Variants in RTRAF observed in about 807,000 individuals in gnomAD.
RTRAF encodes tRNA-splicing ligase complex subunit RTRAF.
A neutral mutation model predicts 34.4 loss-of-function variants in RTRAF; 14 were observed. That is an observed-to-expected ratio of 0.41 (90% CI 0.27 to 0.64). The LOEUF is 0.64. RTRAF is among the 30% of genes least tolerant of loss of function. The probability of loss-of-function intolerance (pLI) is 0.34; values close to 1 mark genes in which losing one functional copy is unlikely to be tolerated. For synonymous variants in RTRAF, 96 were observed against 95.3 expected (o/e 1.01, Z -0.04); for missense variants, 291 against 288.4 (o/e 1.01, Z -0.06).
intron 3 of RTRAF, among the ~76,000 whole-genome samples, chr14:51,994,205 A>G (rs1331926939): frequency 2.0e-5 from 3 of 152,240 alleles, no homozygotes; most frequent in Admixed American, 6.5e-5. Flanking sequence ...TTAATACTCT[A>G]TAGGCCAGAA....
At chr14:52,004,024 C>G in intron 6 of RTRAF, 170 bp from the exon 7 acceptor site, 2 of 635,760 alleles carry the variant, frequency 3.1e-6, no homozygotes, top group Non-Finnish European at 5.6e-6. Context: ...AGGGAAAACT[C>G]GCTAATCACA....
At chr14:51,991,209 A>G (rs1214453671) in intron 1 of RTRAF, 108 bp from the exon 2 acceptor site, 2 of 1,150,740 alleles carry the variant, frequency 1.7e-6, no homozygotes, top group South Asian at 1.4e-5. Context: ...TTAATTTAGT[A>G]TTTTGAAGTT....
intron 5 of RTRAF, 38 bp downstream of exon 5, chr14:51,999,834 C>T: frequency 7.0e-7 from 1 of 1,433,560 alleles, no homozygotes; most frequent in Non-Finnish European, 9.7e-7. Context: ...AGAAACTGTG[C>T]ACATAGAAAA....
chr14:51,991,691 T>TA, intron 2 of RTRAF, among the ~76,000 whole-genome samples: 1 of 152,240 alleles, frequency 6.6e-6, no homozygotes, highest in East Asian at 1.9e-4. Context: ...GTTTCTTAAA[T>TA]AAATAATGAT....
At chr14:52,004,275 T>TTTTACAGACTGAATACTTGGGA (rs1293798649) in intron 7 of RTRAF, 33 bp downstream of exon 7, 1 of 1,605,734 alleles carries the variant, frequency 6.2e-7, no homozygotes, top group Non-Finnish European at 8.5e-7. Context: ...AAACTATTTT[T>TTTTACAGACTGAATACTTGGGA]TTTACAGACT....
In RTRAF at chr14:52,008,317, G is replaced by C. The variant is rs1295901168; in HGVS notation, c.*3801G>C. ...GCTGTTGGCCAGAGACATTAGTCTT[G>C]CCTGTAGCCCATGTGAGCATGCTTG... On this transcript the variant is annotated 3_prime_UTR_variant, in exon 8 of 8. Transcript: ENST00000261700. 5.4e-6 allele frequency: 1 copy of C among 184,074 alleles called. No homozygotes were observed. Among genetic ancestry groups the C allele is most frequent in the Non-Finnish European group, 1.1e-5 (1 of 88,662 alleles). 11.4% of individuals were successfully genotyped at this position (184,074 alleles called of 1,614,324 possible).
chr14:51,992,180 C>CT (rs1278264988), intron 2 of RTRAF, among the ~76,000 whole-genome samples: 15 of 152,118 alleles, frequency 9.9e-5, no homozygotes, highest in African/African-American at 3.6e-4. Context: ...TTTAGTAACA[C>CT]TTTTGCATAA....
In RTRAF at chr14:52,006,603, T is replaced by C. The variant is rs772915052; in HGVS notation, c.*2087T>C. 3 of 1,613,846 alleles carry C rather than the reference T, an allele frequency of 1.9e-6. No individual in the cohort carries two copies. The African/African-American group carries it at 4.0e-5, about 22-fold the overall frequency. Reference sequence around the variant, plus strand: ...GATGCTGAAGGGGTACTTGAGGTTGTTTTGAATGACACGCCGTCCAGTTCC... The same window carrying C: ...GATGCTGAAGGGGTACTTGAGGTTGCTTTGAATGACACGCCGTCCAGTTCC... On this transcript the variant is annotated 3_prime_UTR_variant, in exon 8 of 8. Transcript: ENST00000261700.
In RTRAF at chr14:52,004,523, G is replaced by A. The variant is rs937219522; in HGVS notation, c.*7G>A. 1 of 1,609,426 alleles carries A rather than the reference G, an allele frequency of 6.2e-7. No individual in the cohort carries two copies. Among genetic ancestry groups the A allele is most frequent in the East Asian group, 2.2e-5 (1 of 44,822 alleles). On this transcript the variant is annotated 3_prime_UTR_variant, in exon 8 of 8. Transcript: ENST00000261700. Reference sequence around the variant, plus strand: ...GGGAAAAGTTGGAAGATGAACACTTGAGGACTTCAGCTTCTCACCTACTTA... The same window carrying A: ...GGGAAAAGTTGGAAGATGAACACTTAAGGACTTCAGCTTCTCACCTACTTA...
chr14:51,993,059 G>GTA (rs1890459207), intron 2 of RTRAF, among the ~76,000 whole-genome samples: 1 of 152,014 alleles, frequency 6.6e-6, no homozygotes, highest in African/African-American at 2.4e-5. Context: ...GTATGTGTGT[G>GTA]TATATATGTA....
chr14:52,010,666 C>T lies in RTRAF; in HGVS notation c.*6150C>T, dbSNP rs762499452. 3 of 522,966 alleles carry T rather than the reference C, an allele frequency of 5.7e-6. No individual in the cohort carries two copies. Among genetic ancestry groups the T allele is most frequent in the Non-Finnish European group, 1.0e-5 (3 of 291,750 alleles). The allele number at this position is 522,966 out of a possible 1,614,324, so 32.4% of individuals were successfully genotyped here. A position where few individuals can be genotyped will look rare whatever the true frequency, so the allele number is the denominator to read the frequency against. On this transcript the variant is annotated 3_prime_UTR_variant, in exon 8 of 8. Coordinates refer to ENST00000261700, the MANE Select transcript of RTRAF (RefSeq NM_016039.3). ...ATTGTTTATACCAGTCTTGTTTCCT[C>T]CTAATAAAATATAAGTGCCATGAAA...
intron 2 of RTRAF, among the ~76,000 whole-genome samples, chr14:51,992,618 C>T (rs1291852309): frequency 1.3e-5 from 2 of 152,172 alleles, no homozygotes; most frequent in African/African-American, 4.8e-5. Flanking sequence ...CAGTGGACTT[C>T]TTAAAACTTT....
chr14:52,002,760 C>G (rs1890620110), intron 6 of RTRAF, among the ~76,000 whole-genome samples: 1 of 152,192 alleles, frequency 6.6e-6, no homozygotes, highest in Non-Finnish European at 1.5e-5. Context: ...TGTTTGTCCT[C>G]CCTGCGCCCT....
chr14:52,007,362 G>A lies in RTRAF; in HGVS notation c.*2846G>A, dbSNP rs953774713. ...CACACAGCATTTTTTCAGTTGTGCT[G>A]ATAAAAGCAAACAAATGTAGGTTGC... is the stretch of plus-strand genomic sequence containing the variant. On this transcript the variant is annotated 3_prime_UTR_variant, in exon 8 of 8. Coordinates refer to ENST00000261700, the MANE Select transcript of RTRAF (RefSeq NM_016039.3). 5.5e-6 allele frequency: 1 copy of A among 181,384 alleles called. No homozygotes were observed. The highest frequency in any genetic ancestry group is 5.9e-5 in the Admixed American group (1 of 16,830). The allele number at this position is 181,384 out of a possible 1,614,324, so 11.2% of individuals were successfully genotyped here.
chr14:51,994,014 GC>G (rs1890477191), intron 3 of RTRAF, among the ~76,000 whole-genome samples, 192 bp downstream of exon 3: 1 of 152,178 alleles, frequency 6.6e-6, no homozygotes, highest in African/African-American at 2.4e-5. Context: ...TGGAAATGGT[GC>G]CCTCTGGAGA....
In RTRAF at chr14:52,004,711, TG is replaced by T. The variant is rs1249917900; in HGVS notation, c.*196del. The T allele has an allele frequency of 7.8e-6, 4 of 511,796 alleles. No individual in the cohort carries two copies. The highest frequency in any genetic ancestry group is 1.0e-5 in the Non-Finnish European group (3 of 299,524). The allele number at this position is 511,796 out of a possible 1,614,324, so 31.7% of individuals were successfully genotyped here. On this transcript the variant is annotated 3_prime_UTR_variant, in exon 8 of 8. Transcript: ENST00000261700. ...GGAAAGTAGAATTTTTATTATGTAC[TG>T]TATGTTTGCATAAATCACCTTTCTC...
In RTRAF at chr14:52,005,354, A is replaced by C. The variant is rs1231981828; in HGVS notation, c.*838A>C. The C allele has an allele frequency of 7.1e-5, 57 of 800,710 alleles. No individual in the cohort carries two copies. Among genetic ancestry groups the C allele is most frequent in the Non-Finnish European group, 1.0e-4 (56 of 546,536 alleles). 49.6% of individuals were successfully genotyped at this position (800,710 alleles called of 1,614,324 possible). On this transcript the variant is annotated 3_prime_UTR_variant, in exon 8 of 8. Coordinates refer to ENST00000261700, the MANE Select transcript of RTRAF (RefSeq NM_016039.3). ...TTCACAAAAGTCTTTTTGCACTACA[A>C]AATGTTCATCTTGGATGCTCAGGAA...
At position 52,006,879 on chromosome 14, in the gene RTRAF, T is replaced by G; in HGVS notation, c.*2363T>G. On this transcript the variant is annotated 3_prime_UTR_variant, in exon 8 of 8. Coordinates refer to ENST00000261700, the MANE Select transcript of RTRAF (RefSeq NM_016039.3). ...CCTTTTTTGGAAGACAGGATTGCAT[T>G]TACTGAAATCTGGTAAGTTTCTGCC... The G allele has an allele frequency of 2.6e-6, 1 of 382,560 alleles. No homozygotes were observed. The highest frequency in any genetic ancestry group is 4.8e-6 in the Non-Finnish European group (1 of 210,026). 23.7% of individuals were successfully genotyped at this position (382,560 alleles called of 1,614,324 possible). A position where few individuals can be genotyped will look rare whatever the true frequency, so the allele number is the denominator to read the frequency against.
rs1273723355 is a variant in RTRAF, at chr14:52,008,851, G to A, written c.*4335G>A. On this transcript the variant is annotated 3_prime_UTR_variant, in exon 8 of 8. Transcript: ENST00000261700. ...CAATTTGGTACTTGAAGGGGTACCT[G>A]GCACCCAGGGATGGAAACATTTTAA... The A allele has an allele frequency of 1.3e-5, 2 of 152,164 alleles. No individual in the cohort carries two copies. The highest frequency in any genetic ancestry group is 1.3e-4 in the Admixed American group (2 of 15,280). 9.4% of individuals were successfully genotyped at this position (152,164 alleles called of 1,614,324 possible).
Sources: allele counts gnomAD v4.1 joint callset (sites outside exome capture counted in the v4.1 genomes callset), GRCh38; gene constraint gnomAD v4.1.1; transcripts MANE v1.5; gene names NCBI Gene and HGNC (gene_info 2026-07-23, HGNC 2026-07-21).